SYT10: variants seen among roughly 807,000 people sequenced by gnomAD.
SYT10 encodes synaptotagmin 10.
SYT10 carries 31 observed loss-of-function variants against 51.1 expected under a neutral mutation model. That is an observed-to-expected ratio of 0.61 (90% CI 0.46 to 0.82). The LOEUF is 0.82. Ranked by LOEUF, SYT10 falls within the 40% of genes least tolerant of loss-of-function variation. The pLI, the probability that SYT10 is intolerant of heterozygous loss-of-function variation, is 0.00. For synonymous variants in SYT10, 233 were observed against 225.9 expected (o/e 1.03, Z -0.28); for missense variants, 603 against 634.0 (o/e 0.95, Z 0.53).
In SYT10 at chr12:33,398,372, G is replaced by A. The variant is rs184354004; in HGVS notation, c.1077+8417C>T. ...ACTAAAAATACAAAAAATTAGCCGA[G>A]CGTGGTGGTGGGCGCCTGTAGTCAC... is the stretch of plus-strand genomic sequence containing the variant. On this transcript the variant is annotated intron_variant, in intron 3 of 6. Transcript: ENST00000228567. Among the ~76,000 whole-genome samples, 296 of 152,096 alleles carry A rather than the reference G, an allele frequency of 1.9e-3. 1 individual carries two copies. The highest frequency in any genetic ancestry group is 6.6e-3 in the African/African-American group (275 of 41,484).
intron 1 of SYT10, among the ~76,000 whole-genome samples, chr12:33,434,591 G>A (rs1383847861): frequency 6.6e-6 from 1 of 152,172 alleles, no homozygotes; most frequent in African/African-American, 2.4e-5. Context: ...ATCACCTGAG[G>A]TCGGGAGTTG....
rs1866059195 is a variant in SYT10 at position 33,376,082 on chromosome 12, T to C, written c.*748A>G. On this transcript the variant is annotated 3_prime_UTR_variant, in exon 7 of 7. Transcript: ENST00000228567. ...TTATTAGAATTTTAAAAATATCAGT[T>C]GAACAGTGCAACAGATATTTGAGCT... 6.6e-6 allele frequency: 1 copy of C among 152,238 alleles called. No individual in the cohort carries two copies. The highest frequency in any genetic ancestry group is 1.5e-5 in the Non-Finnish European group (1 of 68,020). 9.4% of individuals were successfully genotyped at this position (152,238 alleles called of 1,614,324 possible).
chr12:33,439,068 G>A (rs9971799), intron 1 of SYT10, among the ~76,000 whole-genome samples: 1 of 152,034 alleles, frequency 6.6e-6, no homozygotes, highest in East Asian at 2.0e-4. Flanking sequence ...CTCCGGGAGG[G>A]AGATGGGAGG....
chr12:33,421,780 G>T (rs1866507123), intron 2 of SYT10, among the ~76,000 whole-genome samples: 1 of 151,988 alleles, frequency 6.6e-6, no homozygotes, highest in African/African-American at 2.4e-5. Flanking sequence ...AAATAATAAA[G>T]GATAATAGTT....
intron 3 of SYT10, 90 bp downstream of exon 3, chr12:33,406,699 C>T: frequency 8.9e-7 from 1 of 1,126,354 alleles, no homozygotes; most frequent in South Asian, 1.6e-5. Flanking sequence ...CATAACTCTG[C>T]AAGGCTTATT....
intron 2 of SYT10, among the ~76,000 whole-genome samples, chr12:33,409,384 T>C (rs1420442807): frequency 6.6e-6 from 1 of 152,024 alleles, no homozygotes; most frequent in Non-Finnish European, 1.5e-5. Flanking sequence ...ACCTGGCTAA[T>C]TTTTGTATTT....
intron 2 of SYT10, among the ~76,000 whole-genome samples, chr12:33,420,637 G>A (rs1274823400): frequency 6.6e-6 from 1 of 152,176 alleles, no homozygotes; most frequent in African/African-American, 2.4e-5. Flanking sequence ...GGGCAACAGA[G>A]TGAGACTCTG....
intron 3 of SYT10, among the ~76,000 whole-genome samples, chr12:33,399,372 CT>C (rs1866283463): frequency 6.6e-6 from 1 of 152,172 alleles, no homozygotes; most frequent in Admixed American, 6.5e-5. Flanking sequence ...TTTTCATTAA[CT>C]TTGACTTTTT....
Position 33,375,363 on chromosome 12 carries a change from TA to T in SYT10, c.*1466del, listed in dbSNP as rs1263648884. On this transcript the variant is annotated 3_prime_UTR_variant, in exon 7 of 7. Coordinates refer to ENST00000228567, the MANE Select transcript of SYT10 (RefSeq NM_198992.4). ...GGATTTTACAAAAATAAAAATTTCA[TA>T]ACCGCTGATAAAATTTTCTCATCCA... 6.6e-6 allele frequency: 1 copy of T among 152,112 alleles called. No homozygotes were observed. The highest frequency in any genetic ancestry group is 1.5e-5 in the Non-Finnish European group (1 of 67,976). 9.4% of individuals were successfully genotyped at this position (152,112 alleles called of 1,614,324 possible).
chr12:33,416,044 T>C (rs571487645), intron 2 of SYT10, among the ~76,000 whole-genome samples: 1 of 143,590 alleles, frequency 7.0e-6, no homozygotes, highest in East Asian at 2.0e-4. Context: ...GAAGTAACAG[T>C]TTCCTCTTGA....
At chr12:33,431,014 G>A (rs1419319338) in intron 1 of SYT10, among the ~76,000 whole-genome samples, 4 of 152,048 alleles carry the variant, frequency 2.6e-5, no homozygotes, top group Non-Finnish European at 5.9e-5. Flanking sequence ...AACAGGCCAC[G>A]GCAGATTTAT....
At chr12:33,381,680 G>C (rs1243475611) in intron 5 of SYT10, among the ~76,000 whole-genome samples, 1 of 152,104 alleles carries the variant, frequency 6.6e-6, no homozygotes, top group South Asian at 2.1e-4. Context: ...TCCAGGCAAC[G>C]GGGAGAGTGG....
intron 3 of SYT10, among the ~76,000 whole-genome samples, chr12:33,399,261 A>G (rs1866282784): frequency 6.6e-6 from 1 of 152,192 alleles, no homozygotes; most frequent in African/African-American, 2.4e-5. Context: ...CTGGAAGCAC[A>G]TATCGTACTG....
chr12:33,426,493 T>G lies in SYT10; in HGVS notation c.154A>C (p.Ile52Leu). The change falls in exon 2 of 7, where the codon ATT (isoleucine) becomes CTT (leucine). Residue 52 changes from isoleucine (I) to leucine (L), a missense_variant and splice_region_variant. Ile to Leu is a conservative substitution (Grantham distance 5). Coordinates refer to ENST00000228567, the MANE Select transcript of SYT10 (RefSeq NM_198992.4). ...RGSQGGSSTD[I>L]SVSLLAVVVS... Reference sequence around the variant, plus strand: ...ACGACAGCTAACAGGCTGACTGAAATATCTGGAAAAATTACAATGTAAAAA... The same window carrying G: ...ACGACAGCTAACAGGCTGACTGAAAGATCTGGAAAAATTACAATGTAAAAA... The G allele has an allele frequency of 6.4e-7, 1 of 1,562,460 alleles. No homozygotes were observed. The highest frequency in any genetic ancestry group is 8.6e-7 in the Non-Finnish European group (1 of 1,158,824).
chr12:33,390,625 G>T (rs1905415), intron 3 of SYT10, among the ~76,000 whole-genome samples: 69,974 of 151,816 alleles, frequency 0.46, 17,736 homozygotes, highest in East Asian at 0.89. Flanking sequence ...TAAAGTGCCT[G>T]GTGTAAACAT....
intron 3 of SYT10, among the ~76,000 whole-genome samples, chr12:33,388,203 C>T (rs1274697003): frequency 1.3e-5 from 2 of 152,052 alleles, no homozygotes; most frequent in African/African-American, 4.8e-5. Flanking sequence ...AATAATGCCT[C>T]AGTAACTTAA....
At chr12:33,410,353 A>T (rs546069921) in intron 2 of SYT10, among the ~76,000 whole-genome samples, 50 of 152,360 alleles carry the variant, frequency 3.3e-4, no homozygotes, top group Non-Finnish European at 4.7e-4. Flanking sequence ...GTTGAGCAGT[A>T]ATTCAAAAAA....
At chr12:33,395,899 A>T (rs2128891) in intron 3 of SYT10, among the ~76,000 whole-genome samples, 71,743 of 152,024 alleles carry the variant, frequency 0.47, 18,127 homozygotes, top group East Asian at 0.89. Flanking sequence ...AGTATATTTC[A>T]AATATGGTAA....
chr12:33,426,586 T>C, intron 1 of SYT10, 91 bp from the exon 2 acceptor site: 1 of 1,129,504 alleles, frequency 8.9e-7, no homozygotes, highest in Non-Finnish European at 1.2e-6. Context: ...ATTGTTATTA[T>C]TTCCTGATTC....
Sources: allele counts gnomAD v4.1 joint callset (sites outside exome capture counted in the v4.1 genomes callset), GRCh38; gene constraint gnomAD v4.1.1; transcripts MANE v1.5; gene names NCBI Gene and HGNC (gene_info 2026-07-23, HGNC 2026-07-21).